ZNF407: variants seen among roughly 807,000 people sequenced by gnomAD.
ZNF407 encodes zinc finger protein 407.
In ZNF407, 17 loss-of-function variants were observed where a neutral mutation model predicts 131.2. The ratio of observed to expected loss-of-function variants is 0.13; its 90% CI spans 0.09 to 0.19. The LOEUF is 0.19. Ranked by LOEUF, ZNF407 falls within the 10% of genes least tolerant of loss-of-function variation. The pLI is 1.00. For missense variants in ZNF407, 2,681 were observed against 2,830.6 expected (o/e 0.95, Z 1.20); for synonymous variants, 1,156 against 1,062.0 (o/e 1.09, Z -1.72).
At chr18:75,029,206 G>A (rs1003451363) in intron 8 of ZNF407, among the ~76,000 whole-genome samples, 1 of 152,184 alleles carries the variant, frequency 6.6e-6, no homozygotes, top group African/African-American at 2.4e-5. Context: ...ATGCATGCAG[G>A]TGAATAAGGT....
chr18:74,673,687 G>A (rs1041174002), intron 3 of ZNF407, among the ~76,000 whole-genome samples: 1 of 152,002 alleles, frequency 6.6e-6, no homozygotes. Flanking sequence ...CTTGTCAGTA[G>A]GTATTTATTA....
intron 3 of ZNF407, among the ~76,000 whole-genome samples, chr18:74,686,872 A>G (rs1967108257): frequency 6.6e-6 from 1 of 152,194 alleles, no homozygotes; most frequent in South Asian, 2.1e-4. Flanking sequence ...TTATATATAC[A>G]CTGTATTATG....
At chr18:74,919,895 C>A (rs374441899) in intron 7 of ZNF407, among the ~76,000 whole-genome samples, 1 of 152,160 alleles carries the variant, frequency 6.6e-6, no homozygotes, top group Non-Finnish European at 1.5e-5. Flanking sequence ...TCAGTGGCAC[C>A]GTGGCGTGGA....
intron 4 of ZNF407, among the ~76,000 whole-genome samples, chr18:74,872,316 A>G (rs9963688): frequency 0.032 from 4,811 of 152,178 alleles, 233 homozygotes; most frequent in African/African-American, 0.11. Context: ...GTTTTTTAAT[A>G]CAATCACCTT....
intron 8 of ZNF407, among the ~76,000 whole-genome samples, chr18:74,933,525 A>G (rs1972006521): frequency 6.6e-6 from 1 of 152,234 alleles, no homozygotes; most frequent in Non-Finnish European, 1.5e-5. Context: ...TGAAATGTCC[A>G]CATAAAACTG....
intron 8 of ZNF407, chr18:75,062,593 T>C (rs1179377678): frequency 6.6e-6 from 1 of 152,252 alleles, no homozygotes; most frequent in African/African-American, 2.4e-5. Flanking sequence ...ACGTCGATGT[T>C]CAATAAATAT....
chr18:74,717,090 T>C (rs529026618), intron 3 of ZNF407, among the ~76,000 whole-genome samples: 1 of 152,330 alleles, frequency 6.6e-6, no homozygotes, highest in East Asian at 1.9e-4. Context: ...TATGTGTATG[T>C]ATGTGTACGC....
intron 5 of ZNF407, 145 bp downstream of exon 5, chr18:74,877,508 T>TTAA: frequency 1.2e-6 from 1 of 817,056 alleles, no homozygotes; most frequent in Non-Finnish European, 1.9e-6. Context: ...TATGTATTTA[T>TTAA]AGGTATGGTA....
chr18:74,614,906 G>A (rs891211181), intron 1 of ZNF407, among the ~76,000 whole-genome samples: 8 of 152,218 alleles, frequency 5.3e-5, no homozygotes, highest in African/African-American at 1.9e-4. Context: ...ATGTGTGGCA[G>A]AGATGGCTAG....
At chr18:74,920,431 C>A in intron 7 of ZNF407, 83 bp from the exon 8 acceptor site, 1 of 1,132,740 alleles carries the variant, frequency 8.8e-7, no homozygotes, top group Non-Finnish European at 1.2e-6. Context: ...CACATACAGA[C>A]AGTGTTATGT....
chr18:74,842,141 G>A (rs529052154), intron 4 of ZNF407, among the ~76,000 whole-genome samples: 8 of 152,086 alleles, frequency 5.3e-5, no homozygotes, highest in Admixed American at 2.6e-4. Flanking sequence ...TTTTTATTCT[G>A]TTGGATACTA....
intron 8 of ZNF407, among the ~76,000 whole-genome samples, chr18:75,053,857 C>T (rs1240708401): frequency 6.6e-6 from 1 of 152,214 alleles, no homozygotes; most frequent in Admixed American, 6.5e-5. Context: ...GTCCCCTCAC[C>T]TTCATGGCCC....
At chr18:74,722,997 C>T (rs1379417379) in intron 3 of ZNF407, among the ~76,000 whole-genome samples, 1 of 151,982 alleles carries the variant, frequency 6.6e-6, no homozygotes, top group Non-Finnish European at 1.5e-5. Flanking sequence ...CTTCTCTTTA[C>T]CTTTTTTAGT....
chr18:74,729,270 T>C (rs1215855090), intron 3 of ZNF407, among the ~76,000 whole-genome samples: 3 of 152,226 alleles, frequency 2.0e-5, no homozygotes, highest in Non-Finnish European at 1.5e-5. Flanking sequence ...TACTTTGTCC[T>C]TGGGGGAAGT....
intron 8 of ZNF407, among the ~76,000 whole-genome samples, chr18:75,015,947 A>C (rs1973039141): frequency 6.6e-6 from 1 of 152,094 alleles, no homozygotes; most frequent in African/African-American, 2.4e-5. Flanking sequence ...ATCTACTGGC[A>C]AGAAATAAAA....
At chr18:74,787,631 A>G (rs1305129309) in intron 4 of ZNF407, among the ~76,000 whole-genome samples, 1 of 152,170 alleles carries the variant, frequency 6.6e-6, no homozygotes, top group Non-Finnish European at 1.5e-5. Flanking sequence ...GCGACATCAA[A>G]TATCTGGATT....
At chr18:74,608,114 G>A (rs1032382333) in intron 1 of ZNF407, among the ~76,000 whole-genome samples, 1 of 152,158 alleles carries the variant, frequency 6.6e-6, no homozygotes, top group Non-Finnish European at 1.5e-5. Flanking sequence ...TGCAAAAATA[G>A]TCTAGAAAGT....
At chr18:74,864,689 T>G (rs973207581) in intron 4 of ZNF407, among the ~76,000 whole-genome samples, 1 of 152,198 alleles carries the variant, frequency 6.6e-6, no homozygotes, top group Admixed American at 6.5e-5. Flanking sequence ...TTCGAATTAT[T>G]TAGGGAGTGT....
chr18:74,661,491 T>C (rs1985713009), intron 3 of ZNF407, among the ~76,000 whole-genome samples: 1 of 151,210 alleles, frequency 6.6e-6, no homozygotes, highest in Non-Finnish European at 1.5e-5. Flanking sequence ...TTTCATATTT[T>C]AGTAGAAATG....
Sources: allele counts gnomAD v4.1 joint callset (sites outside exome capture counted in the v4.1 genomes callset), GRCh38; gene constraint gnomAD v4.1.1; transcripts MANE v1.5; gene names NCBI Gene and HGNC (gene_info 2026-07-23, HGNC 2026-07-21).